ABCA13: variants seen among roughly 807,000 people sequenced by gnomAD.
ABCA13 encodes ATP-binding cassette sub-family A member 13.
In ABCA13, 476 loss-of-function variants were observed where a neutral mutation model predicts 478.7. The observed-to-expected ratio is 0.99, with a 90% CI of 0.92 to 1.07. The LOEUF is 1.07. Among genes scored for constraint, ABCA13 ranks in the 50% least tolerant of loss-of-function variants. The pLI is 0.00. For missense variants in ABCA13, 6,060 were observed against 5,910.6 expected, an observed-to-expected ratio of 1.03 and a Z score of -0.83; for synonymous variants, 2,252 against 2,158.9, an observed-to-expected ratio of 1.04 and a Z score of -1.20.
intron 20 of ABCA13, 22 bp downstream of exon 20, chr7:48,288,100 AG>A: frequency 1.9e-6 from 3 of 1,599,808 alleles, no homozygotes; most frequent in African/African-American, 1.3e-5. Flanking sequence ...TTAATATTTC[AG>A]AGAATTTCAT....
At chr7:48,350,043 A>T (rs534590931) in intron 29 of ABCA13, among the ~76,000 whole-genome samples, 35 of 152,300 alleles carry the variant, frequency 2.3e-4, no homozygotes, top group Non-Finnish European at 4.9e-4. Context: ...TTTGCCCTGA[A>T]AATGTTTGAT....
intron 1 of ABCA13, among the ~76,000 whole-genome samples, chr7:48,187,953 C>T (rs1326512999): frequency 6.6e-6 from 1 of 151,962 alleles, no homozygotes; most frequent in Non-Finnish European, 1.5e-5. Context: ...AGCAGCTGTG[C>T]TCTTTGTTTT....
At chr7:48,230,567 T>C (rs977136957) in intron 7 of ABCA13, among the ~76,000 whole-genome samples, 1 of 152,196 alleles carries the variant, frequency 6.6e-6, no homozygotes, top group African/African-American at 2.4e-5. Flanking sequence ...AAGTTGGAAT[T>C]CATCCACCCA....
chr7:48,536,617 C>T (rs1833603304), intron 55 of ABCA13, among the ~76,000 whole-genome samples: 1 of 150,928 alleles, frequency 6.6e-6, no homozygotes, highest in African/African-American at 2.4e-5. Context: ...CACTGCACCC[C>T]AGCCTGGGTG....
At chr7:48,402,498 A>G (rs1817742199) in intron 38 of ABCA13, among the ~76,000 whole-genome samples, 1 of 152,192 alleles carries the variant, frequency 6.6e-6, no homozygotes. Flanking sequence ...CAGGAGCATA[A>G]ATTATTACTA....
At chr7:48,622,964 T>C (rs1793293552) in intron 59 of ABCA13, among the ~76,000 whole-genome samples, 2 of 152,204 alleles carry the variant, frequency 1.3e-5, no homozygotes, top group Admixed American at 1.3e-4. Context: ...CATCATCTCA[T>C]GATTGTCCAC....
At chr7:48,267,825 T>C (rs1795066756) in intron 15 of ABCA13, among the ~76,000 whole-genome samples, 1 of 152,216 alleles carries the variant, frequency 6.6e-6, no homozygotes, top group Non-Finnish European at 1.5e-5. Flanking sequence ...TCTGCTTCTT[T>C]ACATGCCTGC....
chr7:48,318,461 G>A (rs929173633), intron 27 of ABCA13, among the ~76,000 whole-genome samples: 2 of 151,478 alleles, frequency 1.3e-5, no homozygotes, highest in Non-Finnish European at 2.9e-5. Context: ...TCAGTCTCCC[G>A]AAGTGCTGAG....
intron 9 of ABCA13, 25 bp from the exon 10 acceptor site, chr7:48,240,842 A>G: frequency 2.0e-6 from 3 of 1,475,142 alleles, no homozygotes; most frequent in Non-Finnish European, 1.8e-6. Flanking sequence ...TATTAATGCT[A>G]GTATTTTGGT....
chr7:48,440,808 A>C (rs1236741955), intron 42 of ABCA13, among the ~76,000 whole-genome samples: 1 of 152,078 alleles, frequency 6.6e-6, no homozygotes, highest in Non-Finnish European at 1.5e-5. Flanking sequence ...ACATTATTAA[A>C]AAACCCATGT....
chr7:48,454,877 G>C (rs893181672), intron 42 of ABCA13, among the ~76,000 whole-genome samples, 160 bp from the exon 43 acceptor site: 4 of 152,184 alleles, frequency 2.6e-5, no homozygotes, highest in Non-Finnish European at 4.4e-5. Flanking sequence ...CGCACTTTAG[G>C]TGCATAAAGG....
chr7:48,323,261 T>A (rs571065312), intron 27 of ABCA13, among the ~76,000 whole-genome samples: 2 of 152,220 alleles, frequency 1.3e-5, no homozygotes, highest in Non-Finnish European at 2.9e-5. Context: ...GTCTGTCTTC[T>A]TGGCCACCGT....
intron 41 of ABCA13, among the ~76,000 whole-genome samples, chr7:48,418,057 G>A (rs1820267000): frequency 1.3e-5 from 2 of 152,174 alleles, no homozygotes; most frequent in African/African-American, 4.8e-5. Context: ...GTGGCTGAAT[G>A]TACCATAGTC....
intron 9 of ABCA13, among the ~76,000 whole-genome samples, chr7:48,240,652 T>C (rs1213556018): frequency 1.3e-5 from 2 of 152,202 alleles, no homozygotes; most frequent in African/African-American, 4.8e-5. Context: ...AGGCAGAGAT[T>C]ATAAAGTTGT....
intron 26 of ABCA13, among the ~76,000 whole-genome samples, chr7:48,314,959 A>T (rs1373522582): frequency 2.0e-5 from 3 of 152,240 alleles, no homozygotes; most frequent in Admixed American, 1.3e-4. Flanking sequence ...GCAAATTAAT[A>T]CATAATTTTT....
chr7:48,297,318 A>T lies in ABCA13; in HGVS notation c.9199+7A>T. The T allele has an allele frequency of 6.2e-7, 1 of 1,601,464 alleles. No individual in the cohort carries two copies. Among genetic ancestry groups the T allele is most frequent in the Non-Finnish European group, 8.5e-7 (1 of 1,173,584 alleles). ...AATTTCACAGTAACTGAGGGTAAGT[A>T]TGTGGTTTTCCAAGTTTGCTTGATT... On this transcript the variant is annotated splice_region_variant and intron_variant, in intron 22 of 61. Transcript: ENST00000435803.
intron 14 of ABCA13, among the ~76,000 whole-genome samples, chr7:48,248,994 A>T (rs1024183203): frequency 3.3e-5 from 5 of 151,586 alleles, no homozygotes; most frequent in Admixed American, 6.6e-5. Flanking sequence ...TATTTTATGT[A>T]TTCTCATAAA....
Position 48,275,717 on chromosome 7 carries a change from AAGT to A in ABCA13, c.6053_6055del (p.Ser2018del). The A allele has an allele frequency of 3.7e-6, 6 of 1,602,446 alleles. No individual in the cohort carries two copies. The highest frequency in any genetic ancestry group is 5.1e-6 in the Non-Finnish European group (6 of 1,173,624). ...TTTCTGAAGACTGGAGCCTAGAAAA[AAGT>A]ACGCATAATCTACTCTCTTTATTCA... is the stretch of plus-strand genomic sequence containing the variant. On this transcript the variant is annotated inframe_deletion, in exon 17 of 62. Coordinates refer to ENST00000435803, the MANE Select transcript of ABCA13 (RefSeq NM_152701.5).
intron 27 of ABCA13, among the ~76,000 whole-genome samples, chr7:48,331,849 A>T (rs904506224): frequency 3.3e-5 from 5 of 152,164 alleles, no homozygotes; most frequent in Admixed American, 3.3e-4. Context: ...ATATCACAGC[A>T]GGGTCTCTTG....
Sources: allele counts gnomAD v4.1 joint callset (sites outside exome capture counted in the v4.1 genomes callset), GRCh38; gene constraint gnomAD v4.1.1; transcripts MANE v1.5; gene names NCBI Gene and HGNC (gene_info 2026-07-23, HGNC 2026-07-21).